The following PRUNE2 variants were observed in gnomAD, a reference collection of about 807,000 sequenced individuals.
PRUNE2 encodes the protein prune homolog 2 with BCH domain, also known as protein prune homolog 2.
A neutral mutation model predicts 252.0 loss-of-function variants in PRUNE2; 164 were observed. That is an observed-to-expected ratio of 0.65 (90% confidence interval 0.57 to 0.74). PRUNE2 has a LOEUF of 0.74. Ranked by LOEUF, PRUNE2 falls within the 30% of genes least tolerant of loss-of-function variation. The probability of loss-of-function intolerance (pLI) is 0.00; values close to 1 mark genes in which losing one functional copy is unlikely to be tolerated. For missense variants in PRUNE2, 3,495 were observed against 3,711.0 expected (o/e 0.94, Z 1.51); for synonymous variants, 1,292 against 1,350.2 (o/e 0.96, Z 0.94).
chr9:76,736,684 C>T (rs1029148939), intron 6 of PRUNE2: 1 of 152,246 alleles, frequency 6.6e-6, no homozygotes, highest in East Asian at 1.9e-4. Context: ...GGCCCCATGA[C>T]ATGATCACCT....
At chr9:76,774,256 C>A (rs1017947149) in intron 6 of PRUNE2, among the ~76,000 whole-genome samples, 1 of 151,924 alleles carries the variant, frequency 6.6e-6, no homozygotes, top group Admixed American at 6.6e-5. Context: ...CCACCTGACC[C>A]CCCTGAGTAA....
At chr9:76,827,478 GC>G (rs2058412277) in intron 4 of PRUNE2, among the ~76,000 whole-genome samples, 1 of 152,140 alleles carries the variant, frequency 6.6e-6, no homozygotes, top group South Asian at 2.1e-4. Context: ...TGCATTCCAA[GC>G]CCAGATTAAC....
At chr9:76,655,212 T>C (rs1367166687) in intron 10 of PRUNE2, among the ~76,000 whole-genome samples, 1 of 152,178 alleles carries the variant, frequency 6.6e-6, no homozygotes, top group African/African-American at 2.4e-5. Flanking sequence ...GGAGATAAAA[T>C]GCAGCCCACA....
chr9:76,677,556 G>A (rs962885943), intron 9 of PRUNE2, among the ~76,000 whole-genome samples: 8 of 152,196 alleles, frequency 5.3e-5, no homozygotes, highest in Non-Finnish European at 1.2e-4. Flanking sequence ...GGCCCTCTGT[G>A]GACATTTGCT....
intron 6 of PRUNE2, among the ~76,000 whole-genome samples, chr9:76,730,074 T>C (rs1453112325): frequency 2.6e-5 from 4 of 152,364 alleles, no homozygotes; most frequent in South Asian, 4.1e-4. Flanking sequence ...TTATTCAAGA[T>C]TGTGTAATTA....
intron 6 of PRUNE2, among the ~76,000 whole-genome samples, chr9:76,714,765 G>A (rs986174440): frequency 4.6e-5 from 7 of 152,176 alleles, no homozygotes; most frequent in Non-Finnish European, 1.5e-5. Flanking sequence ...CCTTAAAGAA[G>A]TACAGTGAAG....
intron 9 of PRUNE2, among the ~76,000 whole-genome samples, chr9:76,666,480 A>G (rs2040200135): frequency 6.6e-6 from 1 of 152,210 alleles, no homozygotes; most frequent in Admixed American, 6.5e-5. Context: ...AATTAGTGAA[A>G]GTACTAAAAG....
chr9:76,826,607 G>A lies in PRUNE2; in HGVS notation c.634C>T (p.Leu212=). 3 of 1,610,034 alleles carry A rather than the reference G, an allele frequency of 1.9e-6. No individual in the cohort carries two copies. Among genetic ancestry groups the A allele is most frequent in the Non-Finnish European group, 2.5e-6 (3 of 1,177,650 alleles). ...LPPREDIINV[L]QETQFSAQGL... is the part of the protein sequence containing the mutation. ...TGAGCACTGAACTGGGTCTCCTGTAGGACGTTGATGATGTCCTCTCTTGGA... is the reference window on the plus strand; with the variant it reads ...TGAGCACTGAACTGGGTCTCCTGTAAGACGTTGATGATGTCCTCTCTTGGA... The change falls in exon 5 of 19, where the codon CTA becomes TTA. Residue 212 remains leucine, a synonymous_variant. Coordinates refer to ENST00000376718, the MANE Select transcript of PRUNE2 (RefSeq NM_015225.3).
At chr9:76,884,972 AACC>A (rs1368373369) in intron 1 of PRUNE2, among the ~76,000 whole-genome samples, 10 of 152,224 alleles carry the variant, frequency 6.6e-5, no homozygotes, top group Non-Finnish European at 1.2e-4. Flanking sequence ...TTTGGAACCT[AACC>A]ACCAGTAAGA....
chr9:76,667,694 C>T (rs187253476), intron 9 of PRUNE2, among the ~76,000 whole-genome samples: 40 of 152,320 alleles, frequency 2.6e-4, no homozygotes, highest in Middle Eastern at 6.8e-3. Context: ...AACTGCTGCT[C>T]AGCAGTTATA....
intron 9 of PRUNE2, among the ~76,000 whole-genome samples, chr9:76,690,034 G>A (rs2056772864): frequency 6.6e-6 from 1 of 152,076 alleles, no homozygotes; most frequent in African/African-American, 2.4e-5. Flanking sequence ...CCCTCTTATG[G>A]GGCCAGAAGT....
chr9:76,837,235 C>A (rs764481078), intron 4 of PRUNE2, among the ~76,000 whole-genome samples: 11 of 151,848 alleles, frequency 7.2e-5, no homozygotes, highest in South Asian at 2.1e-4. Context: ...CAAGGTGAAG[C>A]GATTGAGACC....
chr9:76,632,614 G>T (rs1838169371), intron 15 of PRUNE2, among the ~76,000 whole-genome samples: 1 of 152,122 alleles, frequency 6.6e-6, no homozygotes, highest in South Asian at 2.1e-4. Context: ...CTGGAGTGCA[G>T]TGGTATGATC....
Position 76,755,468 on chromosome 9 carries a change from T to C in PRUNE2, c.757-41747A>G, listed in dbSNP as rs530329854. ...AAAAAAAATACTCAGCTTCCTGCCC[T>C]AAAGAATTTGTGGCTAAGCATTCAA... On this transcript the variant is annotated intron_variant, in intron 6 of 18. Coordinates refer to ENST00000376718, the MANE Select transcript of PRUNE2 (RefSeq NM_015225.3). Among the ~76,000 whole-genome samples, 3 of 152,218 alleles carry C rather than the reference T, an allele frequency of 2.0e-5. No individual in the cohort carries two copies. In the East Asian group the frequency reaches 5.8e-4, roughly 29 times the overall value.
At chr9:76,660,565 T>C (rs568924287) in intron 9 of PRUNE2, among the ~76,000 whole-genome samples, 1 of 151,960 alleles carries the variant, frequency 6.6e-6, no homozygotes, top group South Asian at 2.1e-4. Context: ...AGGTGGATCA[T>C]GAGGTCAGGA....
chr9:76,625,179 G>T, intron 16 of PRUNE2: 1 of 543,208 alleles, frequency 1.8e-6, no homozygotes, highest in African/African-American at 2.0e-5. Context: ...ATACAGTCAT[G>T]CACCATGTAA....
At chr9:76,757,678 C>A (rs2051281425) in intron 6 of PRUNE2, among the ~76,000 whole-genome samples, 1 of 152,120 alleles carries the variant, frequency 6.6e-6, no homozygotes, top group South Asian at 2.1e-4. Flanking sequence ...GAGATTACAA[C>A]AGGCCAGGCA....
intron 6 of PRUNE2, among the ~76,000 whole-genome samples, chr9:76,814,418 A>G (rs866766022): frequency 6.6e-6 from 1 of 152,164 alleles, no homozygotes; most frequent in Non-Finnish European, 1.5e-5. Flanking sequence ...ACAAGTACCA[A>G]TTGAGTTCCC....
At chr9:76,779,177 C>T (rs1262190277) in intron 6 of PRUNE2, among the ~76,000 whole-genome samples, 1 of 151,028 alleles carries the variant, frequency 6.6e-6, no homozygotes, top group Non-Finnish European at 1.5e-5. Flanking sequence ...ACAGGAAATG[C>T]TTTAAAATAT....
Sources: allele counts gnomAD v4.1 joint callset (sites outside exome capture counted in the v4.1 genomes callset), GRCh38; gene constraint gnomAD v4.1.1; transcripts MANE v1.5; gene names NCBI Gene and HGNC (gene_info 2026-07-23, HGNC 2026-07-21).